TMEM163: variants seen among roughly 807,000 people sequenced by gnomAD.
TMEM163 encodes transmembrane protein 163.
A neutral mutation model predicts 29.3 loss-of-function variants in TMEM163; 17 were observed. That is an observed-to-expected ratio of 0.58 (90% CI 0.40 to 0.87). TMEM163 has a LOEUF of 0.87. Ranked by LOEUF, TMEM163 falls within the 40% of genes least tolerant of loss-of-function variation. The pLI, the probability that TMEM163 is intolerant of heterozygous loss-of-function variation, is 0.00. For synonymous variants in TMEM163, 157 were observed against 160.6 expected (o/e 0.98, Z 0.17); for missense variants, 303 against 381.5 (o/e 0.79, Z 1.71).
rs150614336 is a variant in TMEM163 at position 134,605,277 on chromosome 2, C to A, written c.323-53186G>T. Among the ~76,000 whole-genome samples the A allele has an allele frequency of 6.1e-4, 92 of 151,950 alleles. 2 individuals carry two copies. In the East Asian group the frequency reaches 0.012, roughly 20 times the overall value. ...CATAATCTTGGGCTTAGCAATTTTT[C>A]TGTGGTATTCCATGTTACAAAAGTT... On this transcript the variant is annotated intron_variant, in intron 2 of 7. Coordinates refer to ENST00000281924, the MANE Select transcript of TMEM163 (RefSeq NM_030923.5).
At chr2:134,577,633 T>G (rs1327494481) in intron 2 of TMEM163, among the ~76,000 whole-genome samples, 1 of 152,132 alleles carries the variant, frequency 6.6e-6, no homozygotes, top group Non-Finnish European at 1.5e-5. Context: ...CTTTTCACAC[T>G]GCAGGTCTCC....
intron 2 of TMEM163, among the ~76,000 whole-genome samples, chr2:134,624,418 G>A (rs758295144): frequency 1.7e-4 from 26 of 152,134 alleles, no homozygotes; most frequent in Non-Finnish European, 1.2e-4. Flanking sequence ...ATGAGAACAC[G>A]TGGACACGAA....
At chr2:134,662,036 T>C (rs764734385) in intron 2 of TMEM163, among the ~76,000 whole-genome samples, 1 of 150,810 alleles carries the variant, frequency 6.6e-6, no homozygotes, top group Non-Finnish European at 1.5e-5. Context: ...GGTTTACTTA[T>C]GCCATTCTCC....
intron 2 of TMEM163, among the ~76,000 whole-genome samples, chr2:134,693,435 C>T (rs2104885323): frequency 6.6e-6 from 1 of 151,954 alleles, no homozygotes; most frequent in South Asian, 2.1e-4. Context: ...GGCGAAACCC[C>T]ATCTCTACTA....
chr2:134,714,437 A>G (rs530301218), intron 1 of TMEM163, among the ~76,000 whole-genome samples: 2 of 152,348 alleles, frequency 1.3e-5, no homozygotes, highest in East Asian at 3.9e-4. Context: ...CGCATCACAT[A>G]AAAGACACCA....
chr2:134,505,715 C>T (rs372896167), intron 4 of TMEM163, among the ~76,000 whole-genome samples: 2 of 152,072 alleles, frequency 1.3e-5, no homozygotes, highest in African/African-American at 4.8e-5. Context: ...GTGATAATGC[C>T]GGAATTGCTT....
At chr2:134,605,047 C>T (rs1225911454) in intron 2 of TMEM163, among the ~76,000 whole-genome samples, 3 of 151,822 alleles carry the variant, frequency 2.0e-5, no homozygotes, top group African/African-American at 7.3e-5. Flanking sequence ...GGCATGGTGG[C>T]GCATCTGTAA....
intron 2 of TMEM163, among the ~76,000 whole-genome samples, chr2:134,642,417 A>C (rs866764456): frequency 6.6e-5 from 10 of 152,322 alleles, no homozygotes; most frequent in Middle Eastern, 3.4e-3. Flanking sequence ...GGCACGAGCC[A>C]CCGCGAACGG....
intron 2 of TMEM163, among the ~76,000 whole-genome samples, chr2:134,663,099 A>C (rs1341928422): frequency 6.6e-6 from 1 of 152,148 alleles, no homozygotes. Context: ...ACCATACTTC[A>C]CCCTGTGGCC....
intron 5 of TMEM163, among the ~76,000 whole-genome samples, chr2:134,488,350 G>A (rs1000316161): frequency 6.6e-6 from 1 of 152,212 alleles, no homozygotes; most frequent in African/African-American, 2.4e-5. Flanking sequence ...TGCCAGTGTG[G>A]CTAGAATAAA....
chr2:134,717,776 G>A (rs2104904641), intron 1 of TMEM163, among the ~76,000 whole-genome samples: 1 of 152,274 alleles, frequency 6.6e-6, no homozygotes, highest in African/African-American at 2.4e-5. Context: ...ATTTGGATTC[G>A]GATTCAGCAA....
intron 2 of TMEM163, among the ~76,000 whole-genome samples, chr2:134,589,779 C>T (rs1233530818): frequency 4.6e-5 from 7 of 152,194 alleles, no homozygotes; most frequent in Non-Finnish European, 1.0e-4. Context: ...AACTTGCTTT[C>T]ACTTCATGGA....
At chr2:134,639,101 G>C (rs1179838732) in intron 2 of TMEM163, among the ~76,000 whole-genome samples, 1 of 152,132 alleles carries the variant, frequency 6.6e-6, no homozygotes, top group African/African-American at 2.4e-5. Context: ...TGGACCCACA[G>C]TCATCTATCA....
intron 2 of TMEM163, among the ~76,000 whole-genome samples, chr2:134,585,684 G>A (rs1197638270): frequency 6.6e-6 from 1 of 151,604 alleles, no homozygotes; most frequent in Non-Finnish European, 1.5e-5. Context: ...GGAGCTTGCA[G>A]TGAGTCTAGA....
At chr2:134,478,499 C>A (rs1292340098) in intron 5 of TMEM163, among the ~76,000 whole-genome samples, 3 of 152,180 alleles carry the variant, frequency 2.0e-5, no homozygotes, top group Non-Finnish European at 4.4e-5. Context: ...TATGCCTTAG[C>A]AGAGAACTTA....
chr2:134,549,964 C>T (rs1558941877), intron 4 of TMEM163, among the ~76,000 whole-genome samples: 1 of 152,142 alleles, frequency 6.6e-6, no homozygotes. Flanking sequence ...CAGTTACTGG[C>T]TTCCATAATC....
chr2:134,592,498 G>A (rs1681959564), intron 2 of TMEM163, among the ~76,000 whole-genome samples: 1 of 152,110 alleles, frequency 6.6e-6, no homozygotes, highest in Non-Finnish European at 1.5e-5. Context: ...GTATCTTATG[G>A]CCACAAAGAA....
intron 6 of TMEM163, among the ~76,000 whole-genome samples, chr2:134,465,367 C>G (rs922078470): frequency 6.6e-6 from 1 of 151,888 alleles, no homozygotes; most frequent in Non-Finnish European, 1.5e-5. Flanking sequence ...GCAGATGCAC[C>G]CACCAACCCA....
intron 2 of TMEM163, among the ~76,000 whole-genome samples, chr2:134,632,217 C>T (rs1388019457): frequency 3.3e-5 from 5 of 152,156 alleles, no homozygotes; most frequent in African/African-American, 1.2e-4. Context: ...GCCTGGGACT[C>T]ACGGAACACA....
Sources: allele counts gnomAD v4.1 joint callset (sites outside exome capture counted in the v4.1 genomes callset), GRCh38; gene constraint gnomAD v4.1.1; transcripts MANE v1.5; gene names NCBI Gene and HGNC (gene_info 2026-07-23, HGNC 2026-07-21).